Variants in SLC37A1 observed in about 807,000 individuals in gnomAD.
SLC37A1 encodes the protein glucose-6-phosphate exchanger SLC37A1.
SLC37A1 carries 49 observed loss-of-function variants against 75.3 expected under a neutral mutation model. The observed-to-expected ratio is 0.65, with a 90% confidence interval of 0.52 to 0.83. The LOEUF is 0.83. Ranked by LOEUF, SLC37A1 falls within the 40% of genes least tolerant of loss-of-function variation. The pLI, the probability that SLC37A1 is intolerant of heterozygous loss-of-function variation, is 0.00. For synonymous variants in SLC37A1, 268 were observed against 292.1 expected, an observed-to-expected ratio of 0.92 and a Z score of 0.84; for missense variants, 566 against 695.0, an observed-to-expected ratio of 0.81 and a Z score of 2.09.
chr21:42,542,317 A>G (rs931566619), intron 6 of SLC37A1, 87 bp from the exon 7 acceptor site: 2 of 1,159,116 alleles, frequency 1.7e-6, no homozygotes, highest in African/African-American at 3.1e-5. Context: ...TGCTTTGTGT[A>G]AGTGGAGCAA....
rs1439863814 is a variant in SLC37A1 at position 42,532,462 on chromosome 21, CAG to C, written c.139-2233_139-2232del. ...TGCCCTAGCTGTGGCTTTCTTCAGT[CAG>C]AGGTGAATTGTAGTGGCGATGCTTA... is the stretch of plus-strand genomic sequence containing the variant. On this transcript the variant is annotated intron_variant, in intron 3 of 19. Coordinates refer to ENST00000352133, the MANE Select transcript of SLC37A1 (RefSeq NM_001320537.2). Among the ~76,000 whole-genome samples the C allele has an allele frequency of 1.5e-4, 23 of 152,302 alleles. No individual in the cohort carries two copies. The East Asian group carries it at 4.4e-3, about 29-fold the overall frequency.
chr21:42,579,750 C>T lies in SLC37A1; in HGVS notation c.1536C>T (p.Leu512=). 1.2e-6 allele frequency: 2 copies of T among 1,614,182 alleles called. No individual in the cohort carries two copies. Among genetic ancestry groups the T allele is most frequent in the Non-Finnish European group, 1.7e-6 (2 of 1,180,034 alleles). The change falls in exon 19 of 20, where the codon CTC becomes CTT. Residue 512 remains leucine (L), a synonymous_variant. Coordinates refer to ENST00000352133, the MANE Select transcript of SLC37A1 (RefSeq NM_001320537.2). The part of the protein sequence containing the change: ...DACALLFLIR[L]IHKELSCPGS... ...TTTTGGTGCAGTTCCTGATCCGCCTCATACACAAGGAGCTGAGCTGCCCAG... is the reference window on the plus strand; with the variant it reads ...TTTTGGTGCAGTTCCTGATCCGCCTTATACACAAGGAGCTGAGCTGCCCAG...
intron 18 of SLC37A1, among the ~76,000 whole-genome samples, chr21:42,576,638 TAAG>T (rs2056316632): frequency 1.3e-5 from 2 of 151,638 alleles, no homozygotes; most frequent in Admixed American, 1.3e-4. Context: ...ACTAATGACA[TAAG>T]AAAAAGGAAC....
At chr21:42,577,418 C>T (rs954302944) in intron 18 of SLC37A1, among the ~76,000 whole-genome samples, 2 of 152,192 alleles carry the variant, frequency 1.3e-5, no homozygotes, top group African/African-American at 4.8e-5. Context: ...TAGACCTTTA[C>T]AGAAAAAGCT....
intron 1 of SLC37A1, among the ~76,000 whole-genome samples, chr21:42,501,648 G>C (rs1439379777): frequency 6.6e-6 from 1 of 152,198 alleles, no homozygotes. Flanking sequence ...GGAGGCAGAG[G>C]TTGCAGTGAG....
chr21:42,578,963 C>G (rs545657950), intron 18 of SLC37A1, among the ~76,000 whole-genome samples: 2 of 152,238 alleles, frequency 1.3e-5, no homozygotes, highest in African/African-American at 4.8e-5. Flanking sequence ...GCATCTGCTG[C>G]CCTCTAAGAA....
chr21:42,523,996 C>G (rs1414861477), intron 2 of SLC37A1, among the ~76,000 whole-genome samples: 1 of 151,914 alleles, frequency 6.6e-6, no homozygotes, highest in Non-Finnish European at 1.5e-5. Flanking sequence ...ATTTTAGTTA[C>G]TTGTGGAAAG....
chr21:42,554,057 A>C lies in SLC37A1; in HGVS notation c.769-5A>C, dbSNP rs2055622844. On this transcript the variant is annotated splice_polypyrimidine_tract_variant and splice_region_variant and intron_variant, in intron 9 of 19. Coordinates refer to ENST00000352133, the MANE Select transcript of SLC37A1 (RefSeq NM_001320537.2). The stretch of plus-strand genomic sequence containing the variant: ...TCGCTCTAATGAAACTTTTTTTTTT[A>C]CCAGCACTCAAAAGGCTATGAGAAT... 1 of 1,592,438 alleles carries C rather than the reference A, an allele frequency of 6.3e-7. No individual in the cohort carries two copies. The highest frequency in any genetic ancestry group is 1.4e-5 in the African/African-American group (1 of 73,198).
At chr21:42,569,003 C>T (rs904800820) in intron 17 of SLC37A1, among the ~76,000 whole-genome samples, 1 of 152,250 alleles carries the variant, frequency 6.6e-6, no homozygotes, top group Non-Finnish European at 1.5e-5. Flanking sequence ...GGAGCACGCA[C>T]AGTGGCTGCA....
At chr21:42,563,741 G>C (rs1010574030) in intron 12 of SLC37A1, 74 bp from the exon 13 acceptor site, 41 of 1,437,424 alleles carry the variant, frequency 2.9e-5, no homozygotes, top group South Asian at 3.4e-5. Context: ...CACGGGTCCT[G>C]TTCTGCCATG....
At chr21:42,569,497 TC>T (rs1381492253) in intron 17 of SLC37A1, among the ~76,000 whole-genome samples, 1 of 10,358 alleles carries the variant, frequency 9.7e-5, no homozygotes, top group Non-Finnish European at 2.3e-4. Context: ...CGTGCCGCAC[TC>T]CCTCGTGCCG....
intron 5 of SLC37A1, among the ~76,000 whole-genome samples, chr21:42,538,258 T>G (rs2055190505): frequency 6.6e-6 from 1 of 152,214 alleles, no homozygotes; most frequent in African/African-American, 2.4e-5. Context: ...ACTCTCTAGC[T>G]CTACAATGCT....
In SLC37A1 at chr21:42,552,042, T is replaced by C. The variant is rs1183225727; in HGVS notation, c.769-2020T>C. ...TTTTCTAATTAGTTTTTGTTTCAAA[T>C]GAATCACAATTAATATGAAAGAGAG... On this transcript the variant is annotated intron_variant, in intron 9 of 19. Coordinates refer to ENST00000352133, the MANE Select transcript of SLC37A1 (RefSeq NM_001320537.2). This position sits in a 1 kb window ranked among gnomAD's most constrained non-coding sequence, Gnocchi z 4.2. 6.6e-6 allele frequency among the ~76,000 whole-genome samples: 1 copy of C among 152,212 alleles called. No homozygotes were observed. Among genetic ancestry groups the C allele is most frequent in the Admixed American group, 6.5e-5 (1 of 15,280 alleles).
At chr21:42,517,507 C>A (rs996704750) in intron 1 of SLC37A1, among the ~76,000 whole-genome samples, 1 of 152,186 alleles carries the variant, frequency 6.6e-6, no homozygotes, top group African/African-American at 2.4e-5. Context: ...TTTGGAAGCT[C>A]ACTTTCGAGG....
intron 2 of SLC37A1, chr21:42,508,482 A>G (rs934580737): frequency 1.3e-5 from 2 of 152,056 alleles, no homozygotes; most frequent in Non-Finnish European, 2.9e-5. Flanking sequence ...TGCTTATCTC[A>G]TGTATTTGCA....
At chr21:42,516,649 T>G (rs530727099) in intron 1 of SLC37A1, among the ~76,000 whole-genome samples, 2 of 152,394 alleles carry the variant, frequency 1.3e-5, no homozygotes, top group East Asian at 3.9e-4. Context: ...ATCATTGTTT[T>G]AAAAAGAAAT....
intron 15 of SLC37A1, among the ~76,000 whole-genome samples, chr21:42,566,287 A>G (rs1487779740): frequency 6.6e-6 from 1 of 152,228 alleles, no homozygotes; most frequent in African/African-American, 2.4e-5. Context: ...GGGCCACGTC[A>G]GGTAGCCAGG....
rs770452531 is a variant in SLC37A1 at position 42,567,049 on chromosome 21, C to T, written c.1335C>T (p.Ser445=). 1.1e-5 allele frequency: 17 copies of T among 1,609,332 alleles called. No individual in the cohort carries two copies. The highest frequency in any genetic ancestry group is 6.7e-5 in the Admixed American group (4 of 59,988). ...ACACACTCATCACCACCGCCGTCTC[C>T]GCCGACCTGGTGAGTAGAACCGGGA... is the stretch of plus-strand genomic sequence containing the variant. ...GPYTLITTAV[S]ADLGTHKSLK... Residue 445 remains serine, a synonymous_variant, in exon 16 of 20, where the codon TCC becomes TCT. Coordinates refer to ENST00000352133, the MANE Select transcript of SLC37A1 (RefSeq NM_001320537.2).
chr21:42,512,531 G>A (rs181676087), upstream of SLC37A1, among the ~76,000 whole-genome samples: 1 of 152,312 alleles, frequency 6.6e-6, no homozygotes, highest in African/African-American at 2.4e-5. Context: ...GGAGAGAGGG[G>A]TGGGAGCCAC....
Sources: gnomAD v4.1 joint callset for allele counts (sites outside exome capture counted in the v4.1 genomes callset) on GRCh38, gnomAD v4.1.1 for gene constraint, Gnocchi (gnomAD v3.1) non-coding constraint, MANE v1.5 for transcripts, NCBI Gene and HGNC (gene_info 2026-07-23, HGNC 2026-07-21) for gene names.